Variants in PPM1A observed in about 807,000 individuals in gnomAD.
The protein encoded by PPM1A is protein phosphatase, Mg2+/Mn2+ dependent 1A.
Under a neutral mutation model 35.0 loss-of-function variants are expected in PPM1A, and 7 were observed. That is an observed-to-expected ratio of 0.20 (90% confidence interval 0.11 to 0.38). The LOEUF (loss-of-function observed/expected upper bound fraction) is 0.38. Among genes scored for constraint, PPM1A ranks in the 10% least tolerant of loss-of-function variants. The pLI is 1.00. For missense variants in PPM1A, 239 were observed against 467.8 expected (o/e 0.51, Z 4.51); for synonymous variants, 153 against 167.3 (o/e 0.91, Z 0.66).
rs1355002054 is a variant in PPM1A, at chr14:60,298,046, C to T, written c.*5564C>T. The T allele has an allele frequency of 2.0e-5, 3 of 151,000 alleles. No homozygotes were observed. The highest frequency in any genetic ancestry group is 3.0e-5 in the Non-Finnish European group (2 of 67,586). The allele number at this position is 151,000 out of a possible 1,614,324, so 9.4% of individuals were successfully genotyped here. ...GATAGGGGACCTGGCTAGAATCTGA[C>T]ATTAAAATATACTTTTTAAAAAATA... On this transcript the variant is annotated 3_prime_UTR_variant, in exon 6 of 6. Coordinates refer to ENST00000395076, the MANE Select transcript of PPM1A (RefSeq NM_021003.5).
In PPM1A at chr14:60,285,619, C is replaced by T; in HGVS notation, c.835-5C>T. 6.2e-7 allele frequency: 1 copy of T among 1,610,266 alleles called. No homozygotes were observed. ...TAAAATATTCTCAAATTTTTTTCTT[C>T]CCAGGGAAGTCGAGACAACATGAGT... On this transcript the variant is annotated splice_polypyrimidine_tract_variant and splice_region_variant and intron_variant, in intron 2 of 5. Coordinates refer to ENST00000395076, the MANE Select transcript of PPM1A (RefSeq NM_021003.5).
chr14:60,270,426 T>C (rs893509121), intron 1 of PPM1A, among the ~76,000 whole-genome samples: 1 of 152,132 alleles, frequency 6.6e-6, no homozygotes, highest in Non-Finnish European at 1.5e-5. Context: ...TTAGTTACTT[T>C]TTTATTTCAG....
At position 60,283,579 on chromosome 14, in the gene PPM1A, A is replaced by G; in HGVS notation, c.834+42A>G. 1.3e-6 allele frequency: 2 copies of G among 1,541,556 alleles called. No individual in the cohort carries two copies. The highest frequency in any genetic ancestry group is 1.7e-6 in the Non-Finnish European group (2 of 1,146,764). On this transcript the variant is annotated intron_variant, in intron 2 of 5. Coordinates refer to ENST00000395076, the MANE Select transcript of PPM1A (RefSeq NM_021003.5). The surrounding 1 kb of genome is among the most constrained non-coding windows in gnomAD (Gnocchi z 6.3). ...TAAAAACATAAAATGATTTTATGCC[A>G]TATTAATCACTACTCTAGTATTTAA...
chr14:60,272,468 A>G (rs935578470), intron 1 of PPM1A, among the ~76,000 whole-genome samples: 1 of 152,160 alleles, frequency 6.6e-6, no homozygotes, highest in Non-Finnish European at 1.5e-5. Flanking sequence ...GCACTTTGAG[A>G]GGCCAAGGCA....
chr14:60,287,883 G>T, intron 3 of PPM1A: 2 of 985,304 alleles, frequency 2.0e-6, no homozygotes, highest in Non-Finnish European at 2.4e-6. Flanking sequence ...GGAGATGACT[G>T]ATAGAATCCC....
At chr14:60,258,155 T>G (rs990930926) in intron 1 of PPM1A, among the ~76,000 whole-genome samples, 1 of 152,102 alleles carries the variant, frequency 6.6e-6, no homozygotes, top group African/African-American at 2.4e-5. Context: ...TGTGATCTTT[T>G]CTGGTTTGCT....
chr14:60,269,504 C>G (rs748816824), intron 1 of PPM1A, among the ~76,000 whole-genome samples: 13 of 152,102 alleles, frequency 8.5e-5, no homozygotes, highest in Non-Finnish European at 1.8e-4. Context: ...GCAAAGAAGT[C>G]TGGGACCAGC....
chr14:60,252,673 T>C lies in PPM1A; in HGVS notation c.-21+2996T>C, dbSNP rs149243048. ...TGTTATTTTGCTATTAGCCAAGATA[T>C]ATAAATTAACTGACCTGGGATTATT... On this transcript the variant is annotated intron_variant, in intron 1 of 5. Transcript: ENST00000395076. Among the ~76,000 whole-genome samples, 872 of 152,330 alleles carry C rather than the reference T, an allele frequency of 5.7e-3. 8 individuals carry two copies. Among genetic ancestry groups the C allele is most frequent in the African/African-American group, 0.02 (843 of 41,586 alleles).
intron 1 of PPM1A, among the ~76,000 whole-genome samples, chr14:60,272,979 C>T (rs1382095305): frequency 6.6e-6 from 1 of 151,806 alleles, no homozygotes; most frequent in Admixed American, 6.6e-5. Flanking sequence ...TTGTGAACAA[C>T]TAGGAGTGGG....
intron 1 of PPM1A, among the ~76,000 whole-genome samples, chr14:60,266,291 T>A (rs1051071860): frequency 8.5e-5 from 13 of 152,204 alleles, no homozygotes; most frequent in Non-Finnish European, 1.3e-4. Flanking sequence ...TGTTAACTTT[T>A]GTGTATATAT....
chr14:60,289,969 G>T lies in PPM1A; in HGVS notation c.1061+55G>T. 2 of 1,190,268 alleles carry T rather than the reference G, an allele frequency of 1.7e-6. No individual in the cohort carries two copies. Among genetic ancestry groups the T allele is most frequent in the South Asian group, 1.5e-5 (1 of 68,058 alleles). The allele number at this position is 1,190,268 out of a possible 1,614,324, so 73.7% of individuals were successfully genotyped here. Reference sequence around the variant, plus strand: ...TTATGTCAGTGTATGAAAATGTTAGGTATTCATTGATAAAATGTTTGTTTG... The same window carrying T: ...TTATGTCAGTGTATGAAAATGTTAGTTATTCATTGATAAAATGTTTGTTTG... On this transcript the variant is annotated intron_variant, in intron 4 of 5. Transcript: ENST00000395076. This position sits in a 1 kb window ranked among gnomAD's most constrained non-coding sequence, Gnocchi z 4.1.
chr14:60,269,046 A>G (rs1242000845), intron 1 of PPM1A, among the ~76,000 whole-genome samples: 1 of 151,664 alleles, frequency 6.6e-6, no homozygotes, highest in Non-Finnish European at 1.5e-5. Context: ...TTTTCAATTA[A>G]TGTTTTAAGT....
chr14:60,297,323 TC>T lies in PPM1A; in HGVS notation c.*4843del, dbSNP rs1888131314. The stretch of plus-strand genomic sequence containing the variant: ...TGTTTTAAAAGCCATAGGAAAGTCT[TC>T]CTTGTACGTGGCTGTAAATTTATAA... On this transcript the variant is annotated 3_prime_UTR_variant, in exon 6 of 6. Coordinates refer to ENST00000395076, the MANE Select transcript of PPM1A (RefSeq NM_021003.5). 1 of 151,692 alleles carries T rather than the reference TC, an allele frequency of 6.6e-6. No individual in the cohort carries two copies. The highest frequency in any genetic ancestry group is 2.4e-5 in the African/African-American group (1 of 41,402). 9.4% of individuals were successfully genotyped at this position (151,692 alleles called of 1,614,324 possible).
At chr14:60,274,163 G>A (rs1566588707) in intron 1 of PPM1A, among the ~76,000 whole-genome samples, 1 of 152,182 alleles carries the variant, frequency 6.6e-6, no homozygotes, top group Non-Finnish European at 1.5e-5. Flanking sequence ...CTTAGGGGTA[G>A]GAAGAAAGCT....
chr14:60,257,455 A>T, intron 1 of PPM1A, among the ~76,000 whole-genome samples: 1 of 152,218 alleles, frequency 6.6e-6, no homozygotes. Flanking sequence ...GACTATGAGA[A>T]AGCATGGGTC....
At chr14:60,266,934 C>G (rs1481059623) in intron 1 of PPM1A, among the ~76,000 whole-genome samples, 1 of 152,088 alleles carries the variant, frequency 6.6e-6, no homozygotes, top group Non-Finnish European at 1.5e-5. Context: ...GTGTGTTATT[C>G]TGAAGCCCTC....
intron 1 of PPM1A, among the ~76,000 whole-genome samples, chr14:60,266,374 T>C (rs1356993086): frequency 1.3e-5 from 2 of 152,206 alleles, no homozygotes; most frequent in African/African-American, 4.8e-5. Flanking sequence ...TTCTTTTCTC[T>C]GGAGTCACTT....
intron 1 of PPM1A, among the ~76,000 whole-genome samples, chr14:60,281,628 C>A (rs900158286): frequency 6.6e-6 from 1 of 152,190 alleles, no homozygotes; most frequent in Admixed American, 6.5e-5. Flanking sequence ...TCAGTTGTGA[C>A]TTACTTGATT....
rs1248534295 is a variant in PPM1A, at chr14:60,289,946, A to C, written c.1061+32A>C. On this transcript the variant is annotated intron_variant, in intron 4 of 5. Transcript: ENST00000395076. This position sits in a 1 kb window ranked among gnomAD's most constrained non-coding sequence, Gnocchi z 4.1. Reference sequence around the variant, plus strand: ...TACATTCTGTACACTCTTATGCTTTATGTCAGTGTATGAAAATGTTAGGTA... The same window carrying C: ...TACATTCTGTACACTCTTATGCTTTCTGTCAGTGTATGAAAATGTTAGGTA... 7.4e-7 allele frequency: 1 copy of C among 1,350,384 alleles called. No individual in the cohort carries two copies. The highest frequency in any genetic ancestry group is 1.0e-6 in the Non-Finnish European group (1 of 987,050). 83.7% of individuals were successfully genotyped at this position (1,350,384 alleles called of 1,614,324 possible). A position where few individuals can be genotyped will look rare whatever the true frequency, so the allele number is the denominator to read the frequency against.
Sources: allele counts gnomAD v4.1 joint callset (sites outside exome capture counted in the v4.1 genomes callset), GRCh38; gene constraint gnomAD v4.1.1; non-coding constraint Gnocchi (gnomAD v3.1); transcripts MANE v1.5; gene names NCBI Gene and HGNC (gene_info 2026-07-23, HGNC 2026-07-21).